Variants in FMN1 observed in about 807,000 individuals in gnomAD.
The protein encoded by FMN1 is formin 1.
A neutral mutation model predicts 132.4 loss-of-function variants in FMN1; 110 were observed. The ratio of observed to expected loss-of-function variants is 0.83; its 90% CI spans 0.71 to 0.97. The LOEUF is 0.97. FMN1 is among the 50% of genes least tolerant of loss of function. The probability of loss-of-function intolerance (pLI) is 0.00; values close to 1 mark genes in which losing one functional copy is unlikely to be tolerated. For synonymous variants in FMN1, 722 were observed against 651.7 expected (o/e 1.11, Z -1.64); for missense variants, 1,792 against 1,705.3 (o/e 1.05, Z -0.90).
chr15:32,890,144 T>C (rs2059991874), intron 15 of FMN1, among the ~76,000 whole-genome samples: 2 of 137,442 alleles, frequency 1.5e-5, no homozygotes, highest in African/African-American at 3.0e-5. Context: ...TGTATATATA[T>C]ATATCAGTTT....
chr15:32,891,062 A>T (rs2060015862), intron 15 of FMN1, among the ~76,000 whole-genome samples: 1 of 151,906 alleles, frequency 6.6e-6, no homozygotes, highest in Non-Finnish European at 1.5e-5. Context: ...ATTTGGGTTT[A>T]TTTCTGGGTT....
chr15:32,786,315 T>A (rs1010163738), intron 19 of FMN1, among the ~76,000 whole-genome samples: 4 of 152,110 alleles, frequency 2.6e-5, no homozygotes, highest in Admixed American at 2.6e-4. Context: ...GTGAATAAGG[T>A]TTCCGTGGTA....
At chr15:33,127,429 G>A (rs1271717678) in intron 4 of FMN1, among the ~76,000 whole-genome samples, 1 of 152,166 alleles carries the variant, frequency 6.6e-6, no homozygotes. Flanking sequence ...ATTTCCTTGA[G>A]TTAATGAGTG....
intron 4 of FMN1, among the ~76,000 whole-genome samples, chr15:33,142,140 A>T (rs899396054): frequency 2.6e-5 from 4 of 152,226 alleles, no homozygotes; most frequent in African/African-American, 4.8e-5. Context: ...CTCCAGATTC[A>T]TCAGACTCTA....
intron 10 of FMN1, among the ~76,000 whole-genome samples, chr15:32,925,341 C>T (rs2060933549): frequency 6.6e-6 from 1 of 152,150 alleles, no homozygotes; most frequent in South Asian, 2.1e-4. Context: ...TTATGCACTT[C>T]TTGATAGAAA....
chr15:33,154,019 T>C lies in FMN1; in HGVS notation c.896A>G (p.His299Arg). 6.5e-7 allele frequency: 1 copy of C among 1,536,542 alleles called. No homozygotes were observed. The change falls in exon 4 of 21, where the codon CAC becomes CGC. Residue 299 changes from histidine (H) to arginine (R), a missense_variant. Physicochemically the swap from His to Arg is conservative, Grantham distance 29 (BLOSUM62 0). Around this residue, in one of 3 missense-constraint regions of FMN1, gnomAD observed 638 missense variants for 645.2 expected, o/e 0.99. Coordinates refer to ENST00000616417, the MANE Select transcript of FMN1 (RefSeq NM_001277313.2). ...EHQQTGLSES[H>R]QDPEKHPEAE... ...CTCTGGATGCTTCTCAGGGTCCTGG[T>C]GACTTTCAGACAAACCTGTTTGCTG...
chr15:33,174,517 A>G (rs16966205), intron 3 of FMN1, among the ~76,000 whole-genome samples: 7 of 152,200 alleles, frequency 4.6e-5, no homozygotes, highest in Non-Finnish European at 1.0e-4. Context: ...TTGCTCTCTT[A>G]AGCTGTATTC....
chr15:32,777,848 A>T (rs62651124), intron 19 of FMN1, among the ~76,000 whole-genome samples: 7,710 of 9,068 alleles, frequency 0.85, 3,553 homozygotes, highest in East Asian at 0.95. Flanking sequence ...ATAATACATT[A>T]ATTATATATT....
chr15:33,016,261 G>A (rs1232528941), intron 6 of FMN1, among the ~76,000 whole-genome samples: 1 of 152,176 alleles, frequency 6.6e-6, no homozygotes, highest in South Asian at 2.1e-4. Context: ...GTGAGTGAAT[G>A]CACAAAGCTT....
Position 32,780,471 on chromosome 15 carries a change from G to C in FMN1, c.4131-3552C>G, listed in dbSNP as rs529120899. Among the ~76,000 whole-genome samples, 24 of 152,308 alleles carry C rather than the reference G, an allele frequency of 1.6e-4. No individual in the cohort carries two copies. In the South Asian group the frequency reaches 5.0e-3, roughly 32 times the overall value. ...GTATGGTCTTAAAAAAGGGAGGCATGAATAATCTATCCCTTATTTAGCATG... is the reference window on the plus strand; with the variant it reads ...GTATGGTCTTAAAAAAGGGAGGCATCAATAATCTATCCCTTATTTAGCATG... On this transcript the variant is annotated intron_variant, in intron 19 of 20. Coordinates refer to ENST00000616417, the MANE Select transcript of FMN1 (RefSeq NM_001277313.2).
intron 6 of FMN1, among the ~76,000 whole-genome samples, chr15:33,013,813 T>C (rs1349839551): frequency 6.6e-6 from 1 of 152,212 alleles, no homozygotes; most frequent in East Asian, 1.9e-4. Flanking sequence ...GGAAAGCTAC[T>C]TAAACCAAGC....
At chr15:33,017,446 C>G (rs1404917631) in intron 6 of FMN1, among the ~76,000 whole-genome samples, 2 of 151,974 alleles carry the variant, frequency 1.3e-5, no homozygotes, top group Non-Finnish European at 2.9e-5. Flanking sequence ...CTCAATTTTT[C>G]TATCAACCTA....
chr15:33,012,631 C>T, intron 6 of FMN1: 1 of 937,622 alleles, frequency 1.1e-6, no homozygotes, highest in Non-Finnish European at 1.7e-6. Flanking sequence ...TGCAAATGAC[C>T]ACAACTGTGA....
Position 32,888,175 on chromosome 15 carries a change from C to A in FMN1, c.3832G>T (p.Glu1278Ter). ...KDLRKLKRQL[E>*]ASEKQMVVVC... ...ATAGCAGAACAGTTCCTATTACCTT[C>A]TAGTTGCCTCTTCAGTTTTCTCAAA... Residue 1278 changes from glutamate to a stop codon, truncating the protein, a stop_gained, in exon 16 of 21, where the codon GAA becomes TAA. Transcript: ENST00000616417. LOFTEE classifies it high-confidence loss of function. 1 of 1,606,030 alleles carries A rather than the reference C, an allele frequency of 6.2e-7. No homozygotes were observed. The highest frequency in any genetic ancestry group is 1.3e-5 in the African/African-American group (1 of 74,474).
Position 32,815,739 on chromosome 15 carries a change from A to C in FMN1, c.3929-11407T>G, listed in dbSNP as rs538197387. Among the ~76,000 whole-genome samples the C allele has an allele frequency of 4.6e-5, 7 of 152,332 alleles. 1 individual carries two copies. The South Asian group carries it at 1.5e-3, about 32-fold the overall frequency. ...CAACCTAATGCTTATAAAGTAGTCTAATACAATGGCCTAGCACAGTCAGAT... is the reference window on the plus strand; with the variant it reads ...CAACCTAATGCTTATAAAGTAGTCTCATACAATGGCCTAGCACAGTCAGAT... On this transcript the variant is annotated intron_variant, in intron 17 of 20. Coordinates refer to ENST00000616417, the MANE Select transcript of FMN1 (RefSeq NM_001277313.2).
intron 5 of FMN1, among the ~76,000 whole-genome samples, chr15:33,068,537 G>A (rs1273938366): frequency 2.6e-5 from 4 of 152,154 alleles, no homozygotes; most frequent in South Asian, 2.1e-4. Context: ...AGCCACTTAC[G>A]AAGCCGCAAT....
At chr15:33,079,988 T>C (rs2038384812) in intron 5 of FMN1, among the ~76,000 whole-genome samples, 1 of 152,226 alleles carries the variant, frequency 6.6e-6, no homozygotes, top group African/African-American at 2.4e-5. Flanking sequence ...CTGTCTCTCA[T>C]TCTTTTTCTC....
At chr15:32,860,082 A>G (rs533963728) in intron 16 of FMN1, among the ~76,000 whole-genome samples, 30 of 150,928 alleles carry the variant, frequency 2.0e-4, no homozygotes, top group African/African-American at 7.0e-4. Flanking sequence ...AGGCAAAGGC[A>G]AAGGCAAGGC....
rs570479489 is a variant in FMN1 at position 33,099,403 on chromosome 15, G to T, written c.1868-10429C>A. 1.4e-4 allele frequency among the ~76,000 whole-genome samples: 21 copies of T among 152,290 alleles called. No individual in the cohort carries two copies. In the East Asian group the frequency reaches 4.1e-3, roughly 29 times the overall value. ...TTATTTCCTACCTTCTAGCACTTCT[G>T]TATGTATCACTAAGGCATCTAGGGT... On this transcript the variant is annotated intron_variant, in intron 4 of 20. Coordinates refer to ENST00000616417, the MANE Select transcript of FMN1 (RefSeq NM_001277313.2).
Sources: gnomAD v4.1 joint callset for allele counts (sites outside exome capture counted in the v4.1 genomes callset) on GRCh38, gnomAD v4.1.1 for gene constraint, gnomAD v4.1.1 regional missense constraint, MANE v1.5 for transcripts, NCBI Gene and HGNC (gene_info 2026-07-23, HGNC 2026-07-21) for gene names.